Variants in SDHC observed in about 807,000 individuals in gnomAD.
SDHC encodes succinate dehydrogenase cytochrome b560 subunit, mitochondrial.
SDHC carries 11 observed loss-of-function variants against 22.6 expected under a neutral mutation model. The observed-to-expected ratio is 0.49, with a 90% CI of 0.31 to 0.81. SDHC has a LOEUF of 0.81. SDHC is among the 30% of genes least tolerant of loss of function. The pLI is 0.05. For synonymous variants in SDHC, 80 were observed against 77.8 expected (o/e 1.03, Z -0.15); for missense variants, 160 against 212.0 (o/e 0.75, Z 1.52).
chr1:161,360,686 G>A (rs909652583), intron 5 of SDHC, among the ~76,000 whole-genome samples: 3 of 151,728 alleles, frequency 2.0e-5, no homozygotes, highest in African/African-American at 4.8e-5. Context: ...TTCAATACTA[G>A]CCTGGGCAAG....
chr1:161,345,890 C>T (rs1671877956), intron 4 of SDHC, among the ~76,000 whole-genome samples: 1 of 152,054 alleles, frequency 6.6e-6, no homozygotes, highest in Non-Finnish European at 1.5e-5. Flanking sequence ...ACTGCAGCCT[C>T]TGCCTCCAAG....
At chr1:161,353,597 A>G (rs1276427449) in intron 4 of SDHC, among the ~76,000 whole-genome samples, 1 of 152,210 alleles carries the variant, frequency 6.6e-6, no homozygotes, top group Non-Finnish European at 1.5e-5. Flanking sequence ...TCCTAAGTCA[A>G]GGTAAATACC....
chr1:161,328,244 C>T lies in SDHC; in HGVS notation c.78-152C>T, dbSNP rs140984949. ...CTCGAACTTGTGACCTCAGGTGATC[C>T]GCCCGCCTCGGCCTCCCAAAGAGCT... is the stretch of plus-strand genomic sequence containing the variant. On this transcript the variant is annotated intron_variant, in intron 2 of 5. Transcript: ENST00000367975. The T allele has an allele frequency of 2.1e-3, 1,322 of 639,764 alleles. 16 individuals are homozygous for T. Among genetic ancestry groups the T allele is most frequent in the African/African-American group, 0.021 (1,147 of 55,626 alleles). 39.6% of individuals were successfully genotyped at this position (639,764 alleles called of 1,614,324 possible).
intron 3 of SDHC, chr1:161,339,690 T>TTTTTTTTTTTTTTTTTTA (rs1491571727): frequency 3.1e-6 from 1 of 322,768 alleles, no homozygotes; most frequent in Non-Finnish European, 4.8e-6. Flanking sequence ...TTTTTTTTTT[T>TTTTTTTTTTTTTTTTTTA]GGAGACAGAG....
intron 3 of SDHC, among the ~76,000 whole-genome samples, chr1:161,333,286 A>G (rs1206446360): frequency 6.6e-6 from 1 of 152,168 alleles, no homozygotes; most frequent in Non-Finnish European, 1.5e-5. Flanking sequence ...ATTAGAAATA[A>G]TGCTGCTATG....
chr1:161,362,182 G>C, intron 5 of SDHC, 147 bp from the exon 6 acceptor site: 1 of 924,098 alleles, frequency 1.1e-6, no homozygotes. Context: ...GAAGGGTAAA[G>C]GTGGGGCATA....
intron 1 of SDHC, among the ~76,000 whole-genome samples, chr1:161,321,991 C>T (rs1455268088): frequency 6.6e-6 from 1 of 152,032 alleles, no homozygotes; most frequent in African/African-American, 2.4e-5. Flanking sequence ...GTATAATGGT[C>T]GTGTGTTTTT....
intron 4 of SDHC, among the ~76,000 whole-genome samples, chr1:161,345,601 C>G (rs181110655): frequency 2.0e-5 from 3 of 151,828 alleles, no homozygotes; most frequent in Non-Finnish European, 4.4e-5. Context: ...GGACTACAGG[C>G]GCCTGCCACC....
chr1:161,344,790 G>GCT (rs1671838513), intron 4 of SDHC, among the ~76,000 whole-genome samples: 1 of 152,260 alleles, frequency 6.6e-6, no homozygotes, highest in Admixed American at 6.5e-5. Flanking sequence ...GAAACTTTAT[G>GCT]CTCTGGGTTT....
At chr1:161,345,451 A>ATTATT (rs1038594634) in intron 4 of SDHC, among the ~76,000 whole-genome samples, 25 of 152,130 alleles carry the variant, frequency 1.6e-4, no homozygotes, top group African/African-American at 4.3e-4. Flanking sequence ...ACAAGTTGTA[A>ATTATT]TTATTTTATT....
At chr1:161,359,634 G>A (rs1672425488) in intron 5 of SDHC, among the ~76,000 whole-genome samples, 1 of 152,198 alleles carries the variant, frequency 6.6e-6, no homozygotes, top group African/African-American at 2.4e-5. Flanking sequence ...TTCTGCCCTG[G>A]TTCTTGCCTG....
At position 161,334,252 on chromosome 1, in the gene SDHC, G is replaced by T. The variant is rs4596919; in HGVS notation, c.179+5755G>T. Among the ~76,000 whole-genome samples, 761 of 152,160 alleles carry T rather than the reference G, an allele frequency of 5.0e-3. 17 individuals carry two copies. The South Asian group carries it at 0.055, about 11-fold the overall frequency. ...CAGCAATGCTACATTGAGTTCTTCA[G>T]TCACATCATGCTGACCCTGCTTCCG... On this transcript the variant is annotated intron_variant, in intron 3 of 5. Coordinates refer to ENST00000367975, the MANE Select transcript of SDHC (RefSeq NM_003001.5).
chr1:161,325,849 C>T (rs1452793145), intron 2 of SDHC, among the ~76,000 whole-genome samples: 1 of 152,188 alleles, frequency 6.6e-6, no homozygotes, highest in African/African-American at 2.4e-5. Context: ...ACTTGCCCTG[C>T]CACCCAACAA....
At chr1:161,329,010 C>T (rs975779422) in intron 3 of SDHC, among the ~76,000 whole-genome samples, 4 of 151,904 alleles carry the variant, frequency 2.6e-5, no homozygotes, top group Non-Finnish European at 4.4e-5. Context: ...CGGGTTCAAG[C>T]GATTCTCCTG....
intron 1 of SDHC, among the ~76,000 whole-genome samples, chr1:161,315,352 G>A (rs1558159748): frequency 6.6e-6 from 1 of 152,320 alleles, no homozygotes; most frequent in East Asian, 1.9e-4. Context: ...TAGTTTTTCT[G>A]TGACAAAATG....
chr1:161,317,826 C>T (rs1177302320), intron 1 of SDHC, among the ~76,000 whole-genome samples: 1 of 151,164 alleles, frequency 6.6e-6, no homozygotes, highest in African/African-American at 2.4e-5. Flanking sequence ...CATCAGCCAC[C>T]GAGCCAGGCA....
intron 1 of SDHC, among the ~76,000 whole-genome samples, chr1:161,322,657 C>T (rs1007596867): frequency 6.6e-6 from 1 of 151,604 alleles, no homozygotes; most frequent in African/African-American, 2.4e-5. Context: ...ACTTCTGCCT[C>T]CCGGGCTCAA....
rs192245003 is a variant in SDHC at position 161,333,537 on chromosome 1, G to A, written c.179+5040G>A. Reference sequence around the variant, plus strand: ...TTCCTGCCTCAGCCCCCAAGTAGCTGGGACTACAGGCATGCGCCACCGCGC... The same window carrying A: ...TTCCTGCCTCAGCCCCCAAGTAGCTAGGACTACAGGCATGCGCCACCGCGC... On this transcript the variant is annotated intron_variant, in intron 3 of 5. Coordinates refer to ENST00000367975, the MANE Select transcript of SDHC (RefSeq NM_003001.5). Among the ~76,000 whole-genome samples, 506 of 152,004 alleles carry A rather than the reference G, an allele frequency of 3.3e-3. 3 individuals carry two copies. Among genetic ancestry groups the A allele is most frequent in the African/African-American group, 0.012 (480 of 41,442 alleles).
intron 4 of SDHC, among the ~76,000 whole-genome samples, chr1:161,344,027 C>T (rs115791614): frequency 0.02 from 3,040 of 151,908 alleles, 94 homozygotes; most frequent in African/African-American, 0.07. Context: ...TCCTGGGCAA[C>T]ATATCAAGAC....
Sources: gnomAD v4.1 joint callset for allele counts (sites outside exome capture counted in the v4.1 genomes callset) on GRCh38, gnomAD v4.1.1 for gene constraint, MANE v1.5 for transcripts, NCBI Gene and HGNC (gene_info 2026-07-23, HGNC 2026-07-21) for gene names.